CADPS2: variants seen among roughly 807,000 people sequenced by gnomAD.
CADPS2 encodes the protein calcium-dependent secretion activator 2.
Under a neutral mutation model 172.5 loss-of-function variants are expected in CADPS2, and 93 were observed. That is an observed-to-expected ratio of 0.54 (90% CI 0.46 to 0.64). The LOEUF (loss-of-function observed/expected upper bound fraction) is 0.64. CADPS2 is among the 30% of genes least tolerant of loss of function. The pLI is 0.00. For synonymous variants in CADPS2, 546 were observed against 555.2 expected (o/e 0.98, Z 0.23); for missense variants, 1,420 against 1,565.9 (o/e 0.91, Z 1.57).
chr7:122,765,020 T>C (rs1190090069), intron 1 of CADPS2, among the ~76,000 whole-genome samples: 1 of 152,170 alleles, frequency 6.6e-6, no homozygotes, highest in African/African-American at 2.4e-5. Flanking sequence ...TAGGTGCACT[T>C]TCTGAAACAC....
chr7:122,817,702 C>T (rs1017818746), intron 1 of CADPS2, among the ~76,000 whole-genome samples: 7 of 151,882 alleles, frequency 4.6e-5, no homozygotes, highest in Admixed American at 2.6e-4. Context: ...TGCTTTTCTG[C>T]GGGAGGGGCA....
intron 6 of CADPS2, among the ~76,000 whole-genome samples, chr7:122,598,451 G>A (rs1026652186): frequency 6.6e-6 from 1 of 152,020 alleles, no homozygotes; most frequent in Non-Finnish European, 1.5e-5. Flanking sequence ...AAATATTCTG[G>A]ATATGTAAGA....
At chr7:122,613,711 A>C (rs1461065826) in intron 6 of CADPS2, among the ~76,000 whole-genome samples, 2 of 151,974 alleles carry the variant, frequency 1.3e-5, no homozygotes, top group Non-Finnish European at 2.9e-5. Flanking sequence ...AGCATATTCA[A>C]AACTGGATAG....
At chr7:122,405,229 G>A (rs1049625132) in intron 20 of CADPS2, among the ~76,000 whole-genome samples, 2 of 152,138 alleles carry the variant, frequency 1.3e-5, no homozygotes, top group African/African-American at 4.8e-5. Flanking sequence ...CAGGTTTACT[G>A]TTATACATTT....
At chr7:122,487,072 G>A (rs2057890041) in intron 11 of CADPS2, among the ~76,000 whole-genome samples, 1 of 146,838 alleles carries the variant, frequency 6.8e-6, no homozygotes, top group Admixed American at 6.9e-5. Context: ...CTGGAGTGCA[G>A]TGGCGCTATT....
chr7:122,573,638 G>A (rs2067567793), intron 7 of CADPS2, among the ~76,000 whole-genome samples: 1 of 151,866 alleles, frequency 6.6e-6, no homozygotes, highest in South Asian at 2.1e-4. Context: ...AAATCATTTT[G>A]GTAAAATACC....
intron 9 of CADPS2, among the ~76,000 whole-genome samples, chr7:122,498,566 C>G (rs962124540): frequency 6.6e-6 from 1 of 151,680 alleles, no homozygotes; most frequent in Non-Finnish European, 1.5e-5. Context: ...AGGCAGCTTC[C>G]TCAGATTCTA....
intron 1 of CADPS2, among the ~76,000 whole-genome samples, chr7:122,837,266 C>T (rs547138324): frequency 6.6e-6 from 1 of 152,124 alleles, no homozygotes; most frequent in Non-Finnish European, 1.5e-5. Flanking sequence ...ATCTCTGGGA[C>T]ACATTTAAAG....
chr7:122,557,134 T>C (rs1587253189), intron 7 of CADPS2, among the ~76,000 whole-genome samples: 1 of 152,150 alleles, frequency 6.6e-6, no homozygotes, highest in African/African-American at 2.4e-5. Context: ...CTAAGAGAAG[T>C]GCATTGGTAA....
At chr7:122,551,403 T>C (rs147079671) in intron 8 of CADPS2, among the ~76,000 whole-genome samples, 23 of 152,074 alleles carry the variant, frequency 1.5e-4, no homozygotes, top group African/African-American at 5.3e-4. Flanking sequence ...TTCAAATAGG[T>C]CTAAGAAACT....
intron 12 of CADPS2, among the ~76,000 whole-genome samples, chr7:122,478,263 G>C (rs1401933859): frequency 6.6e-6 from 1 of 152,208 alleles, no homozygotes; most frequent in Non-Finnish European, 1.5e-5. Flanking sequence ...AGATTTCTCT[G>C]ATAATGGAAA....
At chr7:122,769,429 T>C (rs1309026352) in intron 1 of CADPS2, among the ~76,000 whole-genome samples, 2 of 152,100 alleles carry the variant, frequency 1.3e-5, no homozygotes, top group African/African-American at 4.8e-5. Context: ...CTACATTCCT[T>C]CACTCCACCT....
chr7:122,439,930 T>A (rs2051138621), intron 16 of CADPS2, among the ~76,000 whole-genome samples: 1 of 152,078 alleles, frequency 6.6e-6, no homozygotes, highest in African/African-American at 2.4e-5. Flanking sequence ...AGGTAATATT[T>A]CATATTATCT....
At chr7:122,863,228 T>C (rs1817426315) in intron 1 of CADPS2, among the ~76,000 whole-genome samples, 1 of 152,248 alleles carries the variant, frequency 6.6e-6, no homozygotes, top group African/African-American at 2.4e-5. Flanking sequence ...GGGTGTCTTC[T>C]ACATATCTGC....
At chr7:122,446,223 A>C (rs1408741693) in intron 15 of CADPS2, among the ~76,000 whole-genome samples, 4 of 152,074 alleles carry the variant, frequency 2.6e-5, no homozygotes, top group Non-Finnish European at 5.9e-5. Context: ...TTGGCTTTTT[A>C]ATCCTCTTCA....
intron 1 of CADPS2, among the ~76,000 whole-genome samples, chr7:122,777,437 G>T (rs913400797): frequency 6.6e-6 from 1 of 152,138 alleles, no homozygotes; most frequent in Non-Finnish European, 1.5e-5. Context: ...CTTACATATT[G>T]GCCAGAACTT....
At chr7:122,685,315 TGCTC>T (rs2083496502) in intron 2 of CADPS2, among the ~76,000 whole-genome samples, 1 of 152,236 alleles carries the variant, frequency 6.6e-6, no homozygotes, top group South Asian at 2.1e-4. Flanking sequence ...CAAGTGGCAA[TGCTC>T]TCCCTGTAGC....
intron 9 of CADPS2, among the ~76,000 whole-genome samples, chr7:122,500,107 G>A (rs1438179497): frequency 5.9e-5 from 9 of 152,106 alleles, no homozygotes; most frequent in Admixed American, 5.9e-4. Context: ...CACCTGAACT[G>A]CCAAGCAGAA....
At chr7:122,496,007 T>C (rs1224077186) in intron 9 of CADPS2, among the ~76,000 whole-genome samples, 2 of 152,182 alleles carry the variant, frequency 1.3e-5, no homozygotes, top group African/African-American at 4.8e-5. Context: ...AGCCATTTTA[T>C]ACCATTTTCC....
Sources: gnomAD v4.1 joint callset for allele counts (sites outside exome capture counted in the v4.1 genomes callset) on GRCh38, gnomAD v4.1.1 for gene constraint, MANE v1.5 for transcripts, NCBI Gene and HGNC (gene_info 2026-07-23, HGNC 2026-07-21) for gene names.